MPHOSPH9: variants seen among roughly 807,000 people sequenced by gnomAD.
MPHOSPH9 encodes the protein M-phase phosphoprotein 9.
Under a neutral mutation model 145.5 loss-of-function variants are expected in MPHOSPH9, and 88 were observed. That is an observed-to-expected ratio of 0.60 (90% CI 0.51 to 0.72). The LOEUF (loss-of-function observed/expected upper bound fraction) is 0.72. Ranked by LOEUF, MPHOSPH9 falls within the 30% of genes least tolerant of loss-of-function variation. The pLI, the probability that MPHOSPH9 is intolerant of heterozygous loss-of-function variation, is 0.00. For missense variants in MPHOSPH9, 1,238 were observed against 1,386.6 expected (o/e 0.89, Z 1.70); for synonymous variants, 435 against 486.2 (o/e 0.89, Z 1.39).
At chr12:123,181,434 C>T (rs551781479) in intron 13 of MPHOSPH9, among the ~76,000 whole-genome samples, 7 of 151,952 alleles carry the variant, frequency 4.6e-5, no homozygotes, top group Non-Finnish European at 8.8e-5. Flanking sequence ...AAGCTGGATG[C>T]GGTGGCTCAC....
intron 3 of MPHOSPH9, chr12:123,226,371 A>G: frequency 8.9e-7 from 1 of 1,121,624 alleles, no homozygotes; most frequent in Non-Finnish European, 1.1e-6. Context: ...AACACAAATT[A>G]TGCTTCTAAA....
At chr12:123,195,440 G>A (rs868359243) in intron 12 of MPHOSPH9, among the ~76,000 whole-genome samples, 1 of 151,960 alleles carries the variant, frequency 6.6e-6, no homozygotes, top group East Asian at 1.9e-4. Flanking sequence ...CAAAAAATTA[G>A]CTGGGCTTAA....
intron 5 of MPHOSPH9, among the ~76,000 whole-genome samples, chr12:123,220,101 G>A (rs1397973692): frequency 6.6e-6 from 1 of 151,920 alleles, no homozygotes. Flanking sequence ...GGCTGAGGCA[G>A]GAGAATCATA....
intron 21 of MPHOSPH9, 128 bp from the exon 22 acceptor site, chr12:123,161,511 A>G: frequency 1.1e-6 from 1 of 929,664 alleles, no homozygotes; most frequent in Non-Finnish European, 1.6e-6. Context: ...AAGTAATGAA[A>G]AGAGATACAA....
intron 13 of MPHOSPH9, among the ~76,000 whole-genome samples, chr12:123,182,737 C>T (rs955195571): frequency 6.7e-6 from 1 of 148,956 alleles, no homozygotes; most frequent in East Asian, 2.0e-4. Context: ...CATAGCGAAA[C>T]CTTGTCTCTA....
intron 8 of MPHOSPH9, among the ~76,000 whole-genome samples, chr12:123,203,802 A>T (rs1401313064): frequency 1.3e-5 from 2 of 151,776 alleles, no homozygotes; most frequent in East Asian, 3.9e-4. Context: ...TCCTGCCTCA[A>T]CCTCCCAAGT....
intron 7 of MPHOSPH9, among the ~76,000 whole-genome samples, chr12:123,210,739 T>C (rs567455539): frequency 8.7e-4 from 133 of 152,026 alleles, no homozygotes; most frequent in Middle Eastern, 3.4e-3. Flanking sequence ...TTTTTATTTT[T>C]TGAGACAGGG....
In MPHOSPH9 at chr12:123,242,284, C is replaced by T. The variant is rs977647691; in HGVS notation, c.-159+1569G>A. On this transcript the variant is annotated intron_variant, in intron 1 of 2. Transcript: ENST00000545406. ...GAGTCAGGGTAGAGCGCCAGCCCTACGCCGAAGCTCACGTTTGAAGAAGGG... is the reference window on the plus strand; with the variant it reads ...GAGTCAGGGTAGAGCGCCAGCCCTATGCCGAAGCTCACGTTTGAAGAAGGG... Among the ~76,000 whole-genome samples the T allele has an allele frequency of 7.2e-5, 11 of 152,172 alleles. 1 individual carries two copies. In the South Asian group the frequency reaches 8.3e-4, roughly 11 times the overall value.
intron 4 of MPHOSPH9, among the ~76,000 whole-genome samples, chr12:123,222,187 C>CGGT (rs1212667143): frequency 6.6e-6 from 1 of 151,192 alleles, no homozygotes; most frequent in Non-Finnish European, 1.5e-5. Flanking sequence ...TAGCCAGACA[C>CGGT]GGTGGTGCGC....
rs781656423 is a variant in MPHOSPH9 at position 123,202,682 on chromosome 12, TG to T, written c.1722del (p.Asn575ThrfsTer9). 6.2e-6 allele frequency: 10 copies of T among 1,614,054 alleles called. No homozygotes were observed. The highest frequency in any genetic ancestry group is 8.5e-6 in the Non-Finnish European group (10 of 1,180,012). On this transcript the variant is annotated frameshift_variant, in exon 10 of 24. Transcript: ENST00000606320. LOFTEE classifies it high-confidence loss of function. ...AATGAAATGCATTCTGGGACACTGT[TG>T]GCTGTACCTGGAAGCTGGGACTGAC... ...SVSQSQLPGT[A>X]NSVPECISLT...
rs10734898 is a variant in MPHOSPH9, at chr12:123,177,861, A to C, written c.2355-1072T>G. ...ACTTTTACCAAAAAAATTTCAAAAA[A>C]AAAAAAAAACCTTTCTAATTTTTAA... On this transcript the variant is annotated intron_variant, in intron 15 of 23. Coordinates refer to ENST00000606320, the MANE Select transcript of MPHOSPH9 (RefSeq NM_022782.4). 1.1e-3 allele frequency among the ~76,000 whole-genome samples: 38 copies of C among 34,820 alleles called. No individual in the cohort carries two copies. In the South Asian group the frequency reaches 0.024, roughly 22 times the overall value. 22.8% of individuals were successfully genotyped at this position (34,820 alleles called of 152,430 possible).
intron 14 of MPHOSPH9, among the ~76,000 whole-genome samples, chr12:123,180,326 T>G (rs561237969): frequency 2.0e-5 from 3 of 152,210 alleles, no homozygotes. Context: ...TTAGATATCA[T>G]GGGATCTGCT....
intron 16 of MPHOSPH9, among the ~76,000 whole-genome samples, chr12:123,172,649 T>C (rs2044637636): frequency 6.6e-6 from 1 of 152,080 alleles, no homozygotes; most frequent in African/African-American, 2.4e-5. Flanking sequence ...ACAATTTTCA[T>C]GTGTCATGAA....
chr12:123,197,362 A>G (rs532187777), intron 12 of MPHOSPH9, among the ~76,000 whole-genome samples: 16 of 151,840 alleles, frequency 1.1e-4, no homozygotes, highest in Admixed American at 1.1e-3. Flanking sequence ...GTAGAGACAG[A>G]GGTCTCTGTA....
chr12:123,169,041 C>T (rs1254786398), intron 16 of MPHOSPH9, among the ~76,000 whole-genome samples: 1 of 151,726 alleles, frequency 6.6e-6, no homozygotes. Context: ...CCCACCACCA[C>T]GCCCGGCTAA....
chr12:123,178,570 CT>C (rs911918517), intron 15 of MPHOSPH9, among the ~76,000 whole-genome samples: 15 of 152,174 alleles, frequency 9.9e-5, no homozygotes, highest in Admixed American at 7.9e-4. Flanking sequence ...GTCACCCAGG[CT>C]GGAGTGCAGT....
chr12:123,203,816 T>C (rs2046314236), intron 8 of MPHOSPH9, among the ~76,000 whole-genome samples: 1 of 152,138 alleles, frequency 6.6e-6, no homozygotes, highest in Non-Finnish European at 1.5e-5. Context: ...CCCAAGTTGC[T>C]GGGACTACAC....
intron 17 of MPHOSPH9, among the ~76,000 whole-genome samples, chr12:123,166,038 C>T (rs973248569): frequency 2.9e-4 from 44 of 152,212 alleles, no homozygotes; most frequent in African/African-American, 1.0e-3. Context: ...CTGGAGTAAG[C>T]GGCTGAGGCT....
chr12:123,207,053 TA>T (rs201125578), intron 8 of MPHOSPH9, among the ~76,000 whole-genome samples: 1,161 of 80,470 alleles, frequency 0.014, 12 homozygotes, highest in African/African-American at 0.042. Flanking sequence ...CTCTCTCTAA[TA>T]AAAAAAAAAA....
Sources: gnomAD v4.1 joint callset for allele counts (sites outside exome capture counted in the v4.1 genomes callset) on GRCh38, gnomAD v4.1.1 for gene constraint, MANE v1.5 for transcripts, NCBI Gene and HGNC (gene_info 2026-07-23, HGNC 2026-07-21) for gene names.